Variants in EPS15L1 observed in about 807,000 individuals in gnomAD.
The protein encoded by EPS15L1 is epidermal growth factor receptor pathway substrate 15 like 1.
A neutral mutation model predicts 117.1 loss-of-function variants in EPS15L1; 43 were observed. The observed-to-expected ratio is 0.37, with a 90% confidence interval of 0.29 to 0.47. EPS15L1 has a LOEUF of 0.47. Ranked by LOEUF, EPS15L1 falls within the 20% of genes least tolerant of loss-of-function variation. EPS15L1 has a pLI of 0.99. For synonymous variants in EPS15L1, 459 were observed against 470.5 expected, an observed-to-expected ratio of 0.98 and a Z score of 0.32; for missense variants, 981 against 1,164.0, an observed-to-expected ratio of 0.84 and a Z score of 2.29.
chr19:16,413,324 C>A, intron 13 of EPS15L1: 1 of 680,114 alleles, frequency 1.5e-6, no homozygotes, highest in East Asian at 2.7e-5. Flanking sequence ...CACCTGTGTC[C>A]AAGAAGCTGC....
intron 6 of EPS15L1, among the ~76,000 whole-genome samples, chr19:16,435,911 C>A (rs2092973781): frequency 6.6e-6 from 1 of 152,156 alleles, no homozygotes; most frequent in South Asian, 2.1e-4. Flanking sequence ...CTGGACATAA[C>A]CCCTGGTGGA....
rs1044956691 is a variant in EPS15L1 at position 16,405,490 on chromosome 19, C to A, written c.1267-741G>T. ...GAGGCTCCAATGCCCCATGATTCCA[C>A]TTCCAAGAAAAGCATCCTGGAAGCA... On this transcript the variant is annotated intron_variant, in intron 13 of 23. Coordinates refer to ENST00000455140, the MANE Select transcript of EPS15L1 (RefSeq NM_001258374.3). The surrounding 1 kb of genome is among the most constrained non-coding windows in gnomAD (Gnocchi z 4.0). Among the ~76,000 whole-genome samples, 1 of 152,214 alleles carries A rather than the reference C, an allele frequency of 6.6e-6. No individual in the cohort carries two copies. The highest frequency in any genetic ancestry group is 2.4e-5 in the African/African-American group (1 of 41,464).
At position 16,401,913 on chromosome 19, in the gene EPS15L1, C is replaced by T. The variant is rs577394315; in HGVS notation, c.1791+408G>A. On this transcript the variant is annotated intron_variant, in intron 16 of 23. Transcript: ENST00000455140. ...TGTTCCTTGTGGAAACACACATACA[C>T]ATAGACACATGCCCCTCAGATGTCC... 10 of 1,005,298 alleles carry T rather than the reference C, an allele frequency of 9.9e-6. No homozygotes were observed. The South Asian group carries it at 4.4e-4, about 44-fold the overall frequency. The allele number at this position is 1,005,298 out of a possible 1,614,324, so 62.3% of individuals were successfully genotyped here. A position where few individuals can be genotyped will look rare whatever the true frequency, so the allele number is the denominator to read the frequency against.
At chr19:16,443,615 CAGG>C (rs1246139517) in intron 1 of EPS15L1, 1 of 152,172 alleles carries the variant, frequency 6.6e-6, no homozygotes, top group Non-Finnish European at 1.5e-5. Flanking sequence ...GAGGCTGAGG[CAGG>C]AGAATCGCTT....
chr19:16,360,703 G>C (rs1021651351), intron 23 of EPS15L1, among the ~76,000 whole-genome samples: 2 of 152,094 alleles, frequency 1.3e-5, no homozygotes, highest in Admixed American at 1.3e-4. Flanking sequence ...AGCTCTGATC[G>C]CGCCAATGCA....
In EPS15L1 at chr19:16,417,646, G is replaced by A. The variant is rs757792715; in HGVS notation, c.1108-9C>T. 2 of 1,612,588 alleles carry A rather than the reference G, an allele frequency of 1.2e-6. No individual in the cohort carries two copies. The highest frequency in any genetic ancestry group is 2.2e-5 in the East Asian group (1 of 44,868). ...AGAGAGCCTGAACTGTCCTAGAATT[G>A]AATTCAGAGGCGAGATCTCTAATTA... On this transcript the variant is annotated splice_polypyrimidine_tract_variant and intron_variant, in intron 11 of 23. Coordinates refer to ENST00000455140, the MANE Select transcript of EPS15L1 (RefSeq NM_001258374.3).
At chr19:16,463,062 T>C (rs2093268846) in intron 1 of EPS15L1, among the ~76,000 whole-genome samples, 1 of 152,190 alleles carries the variant, frequency 6.6e-6, no homozygotes, top group Admixed American at 6.5e-5. Context: ...TTTATTTATC[T>C]TGGTCCCAAG....
In EPS15L1 at chr19:16,413,802, C is replaced by T. The variant is rs1459780684; in HGVS notation, c.1237G>A (p.Ala413Thr). The change falls in exon 13 of 24, where the codon GCA (alanine) becomes ACA (threonine). Residue 413 changes from alanine (A) to threonine (T), a missense_variant. Coordinates refer to ENST00000455140, the MANE Select transcript of EPS15L1 (RefSeq NM_001258374.3). ...ACCTCGCTGGTTTTCTGTCTGATTG[C>T]CTCTTCCTTTTCTCGAATGTCTTGT... is the stretch of plus-strand genomic sequence containing the variant. The part of the protein sequence containing the change: ...LEQDIREKEE[A>T]IRQKTSEVQE... 5 of 1,613,964 alleles carry T rather than the reference C, an allele frequency of 3.1e-6. No homozygotes were observed. The highest frequency in any genetic ancestry group is 2.2e-5 in the East Asian group (1 of 44,888).
intron 1 of EPS15L1, among the ~76,000 whole-genome samples, chr19:16,463,763 G>A (rs975028885): frequency 6.6e-6 from 1 of 152,202 alleles, no homozygotes; most frequent in African/African-American, 2.4e-5. Flanking sequence ...TGGAAAAGGT[G>A]TCCATCTCCA....
chr19:16,442,043 C>T, intron 2 of EPS15L1, 62 bp from the exon 3 acceptor site: 4 of 1,499,268 alleles, frequency 2.7e-6, no homozygotes, highest in South Asian at 2.3e-5. Context: ...GGTGAAGTGG[C>T]ACCCGCCACG....
chr19:16,402,545 G>GC, intron 15 of EPS15L1, 60 bp from the exon 16 acceptor site: 1 of 1,470,454 alleles, frequency 6.8e-7, no homozygotes, highest in Non-Finnish European at 9.1e-7. Context: ...CAGAAAAGAC[G>GC]CTTTTTTTTT....
intron 12 of EPS15L1, 80 bp from the exon 13 acceptor site, chr19:16,413,925 C>T (rs1490164875): frequency 3.7e-6 from 4 of 1,076,776 alleles, no homozygotes; most frequent in Admixed American, 3.8e-5. Flanking sequence ...TTCTGTTCAC[C>T]CCCACAAAAG....
intron 6 of EPS15L1, chr19:16,434,898 A>G (rs2092963624): frequency 6.4e-6 from 1 of 156,774 alleles, no homozygotes; most frequent in East Asian, 1.9e-4. Context: ...GCTTGAGCAA[A>G]TAATTATCAA....
At chr19:16,439,223 A>G (rs1043193832) in intron 4 of EPS15L1, among the ~76,000 whole-genome samples, 3 of 152,286 alleles carry the variant, frequency 2.0e-5, no homozygotes, top group South Asian at 2.1e-4. Context: ...TGCAGAGTGT[A>G]GAGGATCATA....
rs138696530 is a variant in EPS15L1 at position 16,464,855 on chromosome 19, G to A, written c.33+7058C>T. ...TCCCAGCACTTTGGGAGGCCAAGGC[G>A]GGCAGATCACAAGGTCAGATCGAGA... is the stretch of plus-strand genomic sequence containing the variant. On this transcript the variant is annotated intron_variant, in intron 1 of 23. Transcript: ENST00000455140. 4.3e-3 allele frequency among the ~76,000 whole-genome samples: 651 copies of A among 152,234 alleles called. 2 individuals are homozygous for A. The highest frequency in any genetic ancestry group is 0.013 in the African/African-American group (556 of 41,538).
intron 12 of EPS15L1, 83 bp downstream of exon 12, chr19:16,417,469 G>A: frequency 1.7e-6 from 2 of 1,199,048 alleles, no homozygotes; most frequent in East Asian, 2.4e-5. Context: ...AAACTTCCAG[G>A]TGAGCCTCTG....
At chr19:16,367,497 TAAAAAAAAAAA>T (rs71178691) in intron 22 of EPS15L1, among the ~76,000 whole-genome samples, 13 of 65,312 alleles carry the variant, frequency 2.0e-4, no homozygotes, top group Middle Eastern at 0.016. Flanking sequence ...TATGTGCTGT[TAAAAAAAAAAA>T]AAAAAAAAAA....
At chr19:16,413,071 C>T (rs762082372) in intron 13 of EPS15L1, 73 of 702,548 alleles carry the variant, frequency 1.0e-4, no homozygotes, top group Non-Finnish European at 1.7e-4. Context: ...AGGTTCAAGG[C>T]GTTTGTTGCT....
At chr19:16,426,195 C>T (rs73931918) in intron 8 of EPS15L1, among the ~76,000 whole-genome samples, 13,871 of 152,204 alleles carry the variant, frequency 0.091, 1,169 homozygotes, top group East Asian at 0.26. Flanking sequence ...ATCACGTTCC[C>T]CCAGGTGGGA....
Sources: gnomAD v4.1 joint callset for allele counts (sites outside exome capture counted in the v4.1 genomes callset) on GRCh38, gnomAD v4.1.1 for gene constraint, Gnocchi (gnomAD v3.1) non-coding constraint, MANE v1.5 for transcripts, NCBI Gene and HGNC (gene_info 2026-07-23, HGNC 2026-07-21) for gene names.